Variants in BDP1 observed in about 807,000 individuals in gnomAD.
BDP1 encodes the protein BDP1 general transcription factor IIIB subunit, also known as transcription factor TFIIIB component B'' homolog.
Under a neutral mutation model 266.6 loss-of-function variants are expected in BDP1, and 169 were observed. The observed-to-expected ratio is 0.63, with a 90% CI of 0.56 to 0.72. The LOEUF (loss-of-function observed/expected upper bound fraction) is 0.72. BDP1 is among the 30% of genes least tolerant of loss of function. The probability of loss-of-function intolerance (pLI) is 0.00; values close to 1 mark genes in which losing one functional copy is unlikely to be tolerated. For missense variants in BDP1, 3,015 were observed against 3,053.8 expected, an observed-to-expected ratio of 0.99 and a Z score of 0.30; for synonymous variants, 1,090 against 1,022.4, an observed-to-expected ratio of 1.07 and a Z score of -1.26.
intron 34 of BDP1, among the ~76,000 whole-genome samples, chr5:71,552,365 C>T (rs1421789293): frequency 6.6e-6 from 1 of 152,158 alleles, no homozygotes; most frequent in South Asian, 2.1e-4. Context: ...AGACGCTCCT[C>T]ACTTTCCAGA....
intron 29 of BDP1, 149 bp from the exon 30 acceptor site, chr5:71,541,956 A>G: frequency 4.7e-6 from 3 of 641,660 alleles, no homozygotes; most frequent in East Asian, 2.9e-5. Context: ...TAAAGTTACT[A>G]CTTTGTAATT....
At chr5:71,520,878 A>G (rs182826141) in intron 22 of BDP1, among the ~76,000 whole-genome samples, 85 of 152,276 alleles carry the variant, frequency 5.6e-4, no homozygotes, top group African/African-American at 2.0e-3. Context: ...CAGTGACCAG[A>G]GAAAGCTTCA....
At chr5:71,456,606 C>T (rs1761205187) in intron 1 of BDP1, among the ~76,000 whole-genome samples, 1 of 152,098 alleles carries the variant, frequency 6.6e-6, no homozygotes, top group Non-Finnish European at 1.5e-5. Flanking sequence ...ATGGCTTTAG[C>T]GTCATGTATC....
chr5:71,543,288 A>C (rs1033527958), intron 30 of BDP1, among the ~76,000 whole-genome samples: 6 of 151,954 alleles, frequency 3.9e-5, no homozygotes, highest in Admixed American at 3.9e-4. Flanking sequence ...TCTCAAAAAA[A>C]GAAAAAAGAA....
rs938252406 is a variant in BDP1, at chr5:71,459,003, A to T, written c.489+148A>T. On this transcript the variant is annotated intron_variant, in intron 2 of 38. Coordinates refer to ENST00000358731, the MANE Select transcript of BDP1 (RefSeq NM_018429.3). ...ATAGAACATCCCTTCTTGTTAATGGATTGATTGATACACCGTGGACTTAAA... is the reference window on the plus strand; with the variant it reads ...ATAGAACATCCCTTCTTGTTAATGGTTTGATTGATACACCGTGGACTTAAA... The T allele has an allele frequency of 5.9e-5, 41 of 693,440 alleles. No homozygotes were observed. In the African/African-American group the frequency reaches 7.0e-4, roughly 12 times the overall value. The allele number at this position is 693,440 out of a possible 1,614,324, so 43.0% of individuals were successfully genotyped here.
At chr5:71,469,510 C>G (rs1222170801) in intron 6 of BDP1, among the ~76,000 whole-genome samples, 1 of 152,088 alleles carries the variant, frequency 6.6e-6, no homozygotes, top group Non-Finnish European at 1.5e-5. Flanking sequence ...GTAGTGTAAC[C>G]CTATCCTGAG....
intron 16 of BDP1, among the ~76,000 whole-genome samples, chr5:71,506,786 A>AACACACACACACACACACACAC (rs70992971): frequency 3.1e-5 from 2 of 64,408 alleles, no homozygotes; most frequent in East Asian, 4.9e-4. Context: ...ATATATTTGA[A>AACACACACACACACACACACAC]ACACACACAC....
chr5:71,456,679 C>T (rs756230283), intron 1 of BDP1, among the ~76,000 whole-genome samples: 2 of 152,198 alleles, frequency 1.3e-5, no homozygotes, highest in Non-Finnish European at 2.9e-5. Context: ...ATTTGCTCAT[C>T]TGCAAAATGG....
chr5:71,539,825 G>A (rs1766852965), intron 28 of BDP1, among the ~76,000 whole-genome samples, 176 bp downstream of exon 28: 1 of 151,832 alleles, frequency 6.6e-6, no homozygotes, highest in Non-Finnish European at 1.5e-5. Flanking sequence ...TACTGTTTAG[G>A]TGTAGTGACA....
At chr5:71,476,906 T>C (rs1029825369) in intron 7 of BDP1, among the ~76,000 whole-genome samples, 1 of 152,188 alleles carries the variant, frequency 6.6e-6, no homozygotes, top group Non-Finnish European at 1.5e-5. Flanking sequence ...GGTTTCACCC[T>C]GTTAGCCAGG....
downstream of BDP1, among the ~76,000 whole-genome samples, chr5:71,572,194 A>G (rs193282144): frequency 1.4e-4 from 21 of 152,270 alleles, no homozygotes; most frequent in African/African-American, 5.1e-4. Flanking sequence ...TAATAAATAC[A>G]GAGGGCTGTG....
chr5:71,456,376 A>T (rs1334101928), intron 1 of BDP1, among the ~76,000 whole-genome samples: 1 of 152,230 alleles, frequency 6.6e-6, no homozygotes, highest in Non-Finnish European at 1.5e-5. Flanking sequence ...GAATATCCAC[A>T]CTATTCATTT....
rs760046622 is a variant in BDP1 at position 71,522,817 on chromosome 5, A to G, written c.5255A>G (p.Lys1752Arg). 2 of 1,613,612 alleles carry G rather than the reference A, an allele frequency of 1.2e-6. No homozygotes were observed. Among genetic ancestry groups the G allele is most frequent in the African/African-American group, 2.7e-5 (2 of 74,932 alleles). ...VSARKDCVGS[K>R]ESALAKIDAE... is the part of the protein sequence containing the mutation. ...GCAAGAAAAGATTGTGTAGGTTCCA[A>G]AGAGTCTGCTTTGGCAAAAATAGAT... The change falls in exon 24 of 39, where the codon AAA becomes AGA. Residue 1752 changes from lysine to arginine, a missense_variant. Around this residue, in one of 3 missense-constraint regions of BDP1, gnomAD observed 2,383 missense variants for 2,404.9 expected, o/e 0.99. Coordinates refer to ENST00000358731, the MANE Select transcript of BDP1 (RefSeq NM_018429.3).
chr5:71,475,332 A>T (rs1431611484), intron 7 of BDP1, among the ~76,000 whole-genome samples: 1 of 151,604 alleles, frequency 6.6e-6, no homozygotes, highest in African/African-American at 2.4e-5. Context: ...TTGGTTTCGA[A>T]CTCCTTGACT....
At chr5:71,499,512 G>A (rs1373164447) in intron 13 of BDP1, among the ~76,000 whole-genome samples, 2 of 152,034 alleles carry the variant, frequency 1.3e-5, no homozygotes, top group Non-Finnish European at 2.9e-5. Context: ...CCAACTACTC[G>A]GGAGTTTGAG....
chr5:71,539,148 T>A, intron 27 of BDP1, 70 bp downstream of exon 27: 1 of 1,038,290 alleles, frequency 9.6e-7, no homozygotes, highest in Non-Finnish European at 1.4e-6. Flanking sequence ...ATAGTGGGGA[T>A]AATAAATGAA....
At chr5:71,543,639 A>G (rs935412183) in intron 30 of BDP1, among the ~76,000 whole-genome samples, 4 of 152,218 alleles carry the variant, frequency 2.6e-5, no homozygotes, top group African/African-American at 4.8e-5. Context: ...TCAGTACTGC[A>G]TTGTATTTAT....
Position 71,504,740 on chromosome 5 carries a change from T to G in BDP1, c.2361T>G (p.Asn787Lys), listed in dbSNP as rs371121326. ...AGCCAGATGAGCCCAAGGTTCTTAA[T>G]GAATGTCTAAGGTAAGCATCATTTT... ...NVQPDEPKVL[N>K]ECLSVQENNK... is the part of the protein sequence containing the mutation. Residue 787 changes from asparagine (N) to lysine (K), a missense_variant, in exon 16 of 39, where the codon AAT becomes AAG. Around this residue, in one of 3 missense-constraint regions of BDP1, gnomAD observed 2,383 missense variants for 2,404.9 expected, o/e 0.99. Transcript: ENST00000358731. 1.2e-6 allele frequency: 2 copies of G among 1,613,258 alleles called. No homozygotes were observed. The highest frequency in any genetic ancestry group is 2.7e-5 in the African/African-American group (2 of 74,910).
At chr5:71,527,327 A>G (rs936342129) in intron 25 of BDP1, among the ~76,000 whole-genome samples, 3 of 152,140 alleles carry the variant, frequency 2.0e-5, no homozygotes, top group Admixed American at 6.5e-5. Flanking sequence ...CCCCATCTCT[A>G]TGCCGTCTGG....
Sources: gnomAD v4.1 joint callset for allele counts (sites outside exome capture counted in the v4.1 genomes callset) on GRCh38, gnomAD v4.1.1 for gene constraint, gnomAD v4.1.1 regional missense constraint, MANE v1.5 for transcripts, NCBI Gene and HGNC (gene_info 2026-07-23, HGNC 2026-07-21) for gene names.